FAAH2: variants seen among roughly 807,000 people sequenced by gnomAD.
FAAH2 encodes fatty acid amide hydrolase 2.
Under a neutral mutation model 36.9 loss-of-function variants are expected in FAAH2, and 60 were observed. The observed-to-expected ratio is 1.63, with a 90% confidence interval of 1.32 to 2.02. FAAH2 has a LOEUF of 2.02. FAAH2 is among the 30% of genes most tolerant of loss of function. The pLI, the probability that FAAH2 is intolerant of heterozygous loss-of-function variation, is 0.00. For synonymous variants in FAAH2, 214 were observed against 143.8 expected, an observed-to-expected ratio of 1.49 and a Z score of -3.49; for missense variants, 689 against 397.5, an observed-to-expected ratio of 1.73 and a Z score of -6.23.
At chrX:57,425,354 T>C (rs754154194) in intron 7 of FAAH2, among the ~76,000 whole-genome samples, 6 of 111,395 alleles carry the variant, frequency 5.4e-5, no homozygotes, top group Non-Finnish European at 9.4e-5. Flanking sequence ...GATATCCAGA[T>C]ACAAGAGACT....
At chrX:57,397,625 G>A (rs942355392) in intron 7 of FAAH2, among the ~76,000 whole-genome samples, 3 of 110,333 alleles carry the variant, frequency 2.7e-5, no homozygotes, top group East Asian at 2.8e-4. Context: ...GTAGGTTTCC[G>A]CTGAGAAGTC....
chrX:57,199,914 CT>C, the FAAH2 span, among the ~76,000 whole-genome samples: 2 of 111,494 alleles, frequency 1.8e-5, no homozygotes, highest in Non-Finnish European at 3.8e-5. Context: ...TACTTCCTCT[CT>C]TTTTAAGTTT....
chrX:57,460,892 G>A (rs760617497), intron 10 of FAAH2, among the ~76,000 whole-genome samples: 2 of 111,605 alleles, frequency 1.8e-5, no homozygotes, highest in Admixed American at 1.9e-4. Context: ...TCATTGTGCT[G>A]TATTCAGGGG....
intron 10 of FAAH2, among the ~76,000 whole-genome samples, chrX:57,461,886 A>T (rs1315600525): frequency 9.0e-6 from 1 of 110,808 alleles, no homozygotes; most frequent in Non-Finnish European, 1.9e-5. Flanking sequence ...GATTAACAAA[A>T]TACATAGACC....
the FAAH2 span, chrX:57,137,773 C>CA: frequency 1.1e-4 from 12 of 111,432 alleles, no homozygotes; most frequent in Non-Finnish European, 2.3e-4. Flanking sequence ...ACATTTCTCA[C>CA]ATTCTTTGGA....
the FAAH2 span, among the ~76,000 whole-genome samples, chrX:57,144,406 C>T: frequency 1.1e-4 from 12 of 107,477 alleles, no homozygotes; most frequent in Non-Finnish European, 1.9e-4. Flanking sequence ...AACATTCTAC[C>T]CTGATCTCTC....
intron 3 of FAAH2, among the ~76,000 whole-genome samples, chrX:57,312,798 G>A (rs758193322): frequency 1.8e-5 from 2 of 111,708 alleles, no homozygotes; most frequent in South Asian, 7.4e-4. Flanking sequence ...GAATAAATCA[G>A]TGCAAGAACT....
At chrX:57,233,595 G>C in the FAAH2 span, among the ~76,000 whole-genome samples, 1 of 111,653 alleles carries the variant, frequency 9.0e-6, no homozygotes, top group Non-Finnish European at 1.9e-5. Context: ...AACATTGGAT[G>C]GAGTCCTTTT....
chrX:57,394,666 C>T (rs1316167230), intron 7 of FAAH2: 1 of 940,940 alleles, frequency 1.1e-6, no homozygotes, highest in Non-Finnish European at 1.5e-6. Context: ...TCACCCACAA[C>T]TTTTCTCCCA....
At chrX:57,126,564 A>G in the FAAH2 span, among the ~76,000 whole-genome samples, 4 of 112,351 alleles carry the variant, frequency 3.6e-5, no homozygotes, top group African/African-American at 1.3e-4. Flanking sequence ...TATCATCAAT[A>G]GACTGAGAAT....
chrX:57,464,271 G>A (rs1385946525), intron 10 of FAAH2, among the ~76,000 whole-genome samples: 2 of 110,789 alleles, frequency 1.8e-5, no homozygotes, highest in Non-Finnish European at 3.8e-5. Flanking sequence ...TTGGGGGAAA[G>A]GGGAGCAAGA....
chrX:57,162,502 C>G, the FAAH2 span, among the ~76,000 whole-genome samples: 1 of 111,917 alleles, frequency 8.9e-6, no homozygotes, highest in African/African-American at 3.2e-5. Flanking sequence ...GTACACCAAT[C>G]AGACGTAGAT....
chrX:57,309,403 A>C (rs1353123158), intron 2 of FAAH2, among the ~76,000 whole-genome samples: 2 of 112,385 alleles, frequency 1.8e-5, no homozygotes, highest in Non-Finnish European at 3.8e-5. Context: ...ACATTAAATG[A>C]CATTACATCA....
At chrX:57,390,842 C>A (rs1293206470) in intron 7 of FAAH2, among the ~76,000 whole-genome samples, 1 of 111,208 alleles carries the variant, frequency 9.0e-6, no homozygotes, top group Non-Finnish European at 1.9e-5. Flanking sequence ...GTTAGATAGT[C>A]AGGAGTGGAA....
the FAAH2 span, among the ~76,000 whole-genome samples, chrX:57,183,261 A>C: frequency 8.9e-6 from 1 of 111,900 alleles, no homozygotes; most frequent in Non-Finnish European, 1.9e-5. Context: ...TTAAATAAGT[A>C]TTCTAAACTT....
the FAAH2 span, among the ~76,000 whole-genome samples, chrX:57,236,810 C>T: frequency 0.015 from 1,638 of 111,307 alleles, 17 homozygotes; most frequent in Non-Finnish European, 0.022. Context: ...TAAGTTGCCT[C>T]TTTGCTCTGT....
chrX:57,312,517 A>C (rs2052722717), intron 3 of FAAH2, among the ~76,000 whole-genome samples: 1 of 110,623 alleles, frequency 9.0e-6, no homozygotes, highest in African/African-American at 3.3e-5. Flanking sequence ...TACTAAAAAT[A>C]CAAGAAAAAA....
At chrX:57,318,353 A>C in intron 3 of FAAH2, among the ~76,000 whole-genome samples, 1 of 112,362 alleles carries the variant, frequency 8.9e-6, no homozygotes, top group East Asian at 2.8e-4. Context: ...GATCCCACAG[A>C]AATACAAACT....
At chrX:57,285,533 G>C (rs749268413), upstream of FAAH2, among the ~76,000 whole-genome samples, 4 of 112,004 alleles carry the variant, frequency 3.6e-5, no homozygotes, top group Non-Finnish European at 7.5e-5. Context: ...GTGGAGTGCA[G>C]GGTTACAAAA....
Sources: allele counts gnomAD v4.1 joint callset (sites outside exome capture counted in the v4.1 genomes callset), GRCh38; gene constraint gnomAD v4.1.1; transcripts MANE v1.5; gene names NCBI Gene and HGNC (gene_info 2026-07-23, HGNC 2026-07-21).